The following ZMYND11 variants were observed in gnomAD, a reference collection of about 807,000 sequenced individuals.
ZMYND11 encodes the protein zinc finger MYND domain-containing protein 11.
Under a neutral mutation model 84.9 loss-of-function variants are expected in ZMYND11, and 9 were observed. That is an observed-to-expected ratio of 0.11 (90% CI 0.06 to 0.18). The LOEUF (loss-of-function observed/expected upper bound fraction) is 0.18. ZMYND11 is among the 10% of genes least tolerant of loss of function. The pLI, the probability that ZMYND11 is intolerant of heterozygous loss-of-function variation, is 1.00. For missense variants in ZMYND11, 409 were observed against 761.0 expected (o/e 0.54, Z 5.44); for synonymous variants, 250 against 244.1 (o/e 1.02, Z -0.23).
intron 9 of ZMYND11, among the ~76,000 whole-genome samples, chr10:241,376 C>T (rs778437165): frequency 2.0e-5 from 3 of 152,056 alleles, no homozygotes; most frequent in Non-Finnish European, 4.4e-5. Flanking sequence ...TGGGGTTTTA[C>T]CATGTTGCTC....
intron 2 of ZMYND11, among the ~76,000 whole-genome samples, chr10:183,948 A>G (rs1848411392): frequency 6.6e-6 from 1 of 152,170 alleles, no homozygotes; most frequent in South Asian, 2.1e-4. Flanking sequence ...GTATTTTAAG[A>G]GCACCTCCTG....
intron 2 of ZMYND11, among the ~76,000 whole-genome samples, chr10:183,723 A>G (rs556355323): frequency 2.1e-4 from 32 of 152,360 alleles, no homozygotes; most frequent in African/African-American, 7.2e-4. Context: ...TTTGGAATTC[A>G]TGCATTTAAT....
intron 2 of ZMYND11, among the ~76,000 whole-genome samples, chr10:205,703 A>T (rs1564378310): frequency 6.6e-6 from 1 of 150,530 alleles, no homozygotes; most frequent in Admixed American, 6.6e-5. Context: ...AATAAAAAAT[A>T]AAAAAAAAGG....
intron 10 of ZMYND11, among the ~76,000 whole-genome samples, chr10:243,333 T>G (rs1951431749): frequency 6.6e-6 from 1 of 152,200 alleles, no homozygotes; most frequent in South Asian, 2.1e-4. Flanking sequence ...GAAAGTTTGC[T>G]TCAATGTTTT....
chr10:186,137 G>C (rs2130820035), intron 2 of ZMYND11, among the ~76,000 whole-genome samples: 1 of 151,700 alleles, frequency 6.6e-6, no homozygotes, highest in Admixed American at 6.5e-5. Context: ...AGCCTCCAGA[G>C]TAGCTAGGAC....
chr10:206,915 G>A (rs1944292621), intron 2 of ZMYND11, among the ~76,000 whole-genome samples: 1 of 151,946 alleles, frequency 6.6e-6, no homozygotes, highest in Admixed American at 6.6e-5. Context: ...GTATACATGT[G>A]CCATGCTGGT....
At position 180,167 on chromosome 10, in the gene ZMYND11, G is replaced by A. The variant is rs765811952; in HGVS notation, c.116+39G>A. On this transcript the variant is annotated intron_variant, in intron 2 of 14. Transcript: ENST00000381604. Reference sequence around the variant, plus strand: ...AACACAAATATCTCTGTAAAATGTCGTAGAAGACTTTGGGGGAAAGGCCAA... The same window carrying A: ...AACACAAATATCTCTGTAAAATGTCATAGAAGACTTTGGGGGAAAGGCCAA... 52 of 1,552,312 alleles carry A rather than the reference G, an allele frequency of 3.3e-5. 1 individual carries two copies. The highest frequency in any genetic ancestry group is 4.2e-5 in the Non-Finnish European group (48 of 1,133,146).
chr10:212,295 A>G (rs1016303612), intron 3 of ZMYND11, among the ~76,000 whole-genome samples: 1 of 152,144 alleles, frequency 6.6e-6, no homozygotes, highest in African/African-American at 2.4e-5. Flanking sequence ...ATATATTTAT[A>G]GAATCATCCT....
chr10:139,347 T>G (rs1836916096), intron 1 of ZMYND11, among the ~76,000 whole-genome samples: 1 of 152,234 alleles, frequency 6.6e-6, no homozygotes, highest in South Asian at 2.1e-4. Flanking sequence ...CATTAGATCT[T>G]CATTAAACCC....
chr10:226,365 G>T (rs1422822648), intron 4 of ZMYND11, among the ~76,000 whole-genome samples: 1 of 152,116 alleles, frequency 6.6e-6, no homozygotes, highest in Non-Finnish European at 1.5e-5. Context: ...AAACTCTGTA[G>T]CAAAACAAAG....
intron 2 of ZMYND11, among the ~76,000 whole-genome samples, chr10:191,317 T>C (rs1033674733): frequency 1.3e-5 from 2 of 152,224 alleles, no homozygotes; most frequent in Admixed American, 6.5e-5. Flanking sequence ...ATTAAATGTT[T>C]CCTTCCGGCA....
At chr10:201,373 T>C (rs952361357) in intron 2 of ZMYND11, among the ~76,000 whole-genome samples, 13 of 152,216 alleles carry the variant, frequency 8.5e-5, no homozygotes, top group Non-Finnish European at 1.5e-4. Context: ...CTGTGGTGGT[T>C]CGTTCTTCCA....
At chr10:241,590 A>G (rs2131795848) in intron 9 of ZMYND11, among the ~76,000 whole-genome samples, 1 of 152,380 alleles carries the variant, frequency 6.6e-6, no homozygotes, top group East Asian at 1.9e-4. Flanking sequence ...ATACAGCTTC[A>G]AACCGTGCAC....
intron 1 of ZMYND11, among the ~76,000 whole-genome samples, chr10:153,968 G>C (rs1841043958): frequency 2.0e-5 from 3 of 152,148 alleles, no homozygotes; most frequent in African/African-American, 7.2e-5. Flanking sequence ...GCCAGCACTA[G>C]CCAAGAAGGG....
intron 2 of ZMYND11, among the ~76,000 whole-genome samples, chr10:186,502 A>G (rs1389879532): frequency 6.6e-6 from 1 of 151,542 alleles, no homozygotes; most frequent in African/African-American, 2.4e-5. Flanking sequence ...TTAGCTAGGC[A>G]TGGTGGCGCA....
intron 2 of ZMYND11, among the ~76,000 whole-genome samples, chr10:204,947 G>T (rs1943867291): frequency 6.6e-6 from 1 of 151,354 alleles, no homozygotes; most frequent in African/African-American, 2.4e-5. Context: ...ATTTCTACAG[G>T]TCACTGATTT....
chr10:158,996 T>G (rs1279996064), intron 1 of ZMYND11, among the ~76,000 whole-genome samples: 17 of 147,042 alleles, frequency 1.2e-4, no homozygotes, highest in East Asian at 2.0e-4. Flanking sequence ...TTTTTGTTTT[T>G]TTTTTTTTTT....
intron 1 of ZMYND11, among the ~76,000 whole-genome samples, chr10:149,545 C>T (rs967294607): frequency 5.9e-5 from 9 of 151,858 alleles, no homozygotes; most frequent in Non-Finnish European, 1.2e-4. Flanking sequence ...CTCCTGACCT[C>T]GTGATCCACC....
At chr10:173,444 A>G (rs1487212286) in intron 1 of ZMYND11, among the ~76,000 whole-genome samples, 3 of 152,222 alleles carry the variant, frequency 2.0e-5, no homozygotes, top group African/African-American at 7.2e-5. Flanking sequence ...AAATAATAAG[A>G]AAATGAAGAA....
Sources: gnomAD v4.1 joint callset for allele counts (sites outside exome capture counted in the v4.1 genomes callset) on GRCh38, gnomAD v4.1.1 for gene constraint, MANE v1.5 for transcripts, NCBI Gene and HGNC (gene_info 2026-07-23, HGNC 2026-07-21) for gene names.